Variants in MAN1A1 observed in about 807,000 individuals in gnomAD.
MAN1A1 encodes the protein mannosidase alpha class 1A member 1.
In MAN1A1, 29 loss-of-function variants were observed where a neutral mutation model predicts 70.8. The observed-to-expected ratio is 0.41, with a 90% CI of 0.31 to 0.56. MAN1A1 has a LOEUF of 0.56. MAN1A1 is among the 20% of genes least tolerant of loss of function. The probability of loss-of-function intolerance (pLI) is 0.29; values close to 1 mark genes in which losing one functional copy is unlikely to be tolerated. For missense variants in MAN1A1, 747 were observed against 841.3 expected (o/e 0.89, Z 1.39); for synonymous variants, 349 against 330.1 (o/e 1.06, Z -0.62).
intron 11 of MAN1A1, among the ~76,000 whole-genome samples, chr6:119,181,154 G>C (rs1484110930): frequency 6.6e-6 from 1 of 152,188 alleles, no homozygotes; most frequent in African/African-American, 2.4e-5. Context: ...TACAATGACA[G>C]AGCTAAGTAG....
intron 5 of MAN1A1, among the ~76,000 whole-genome samples, chr6:119,268,632 G>C (rs2114369959): frequency 6.6e-6 from 1 of 152,090 alleles, no homozygotes; most frequent in East Asian, 1.9e-4. Context: ...TGTCACCCAG[G>C]TTGAAGTGTA....
chr6:119,313,477 A>G (rs777580382), intron 2 of MAN1A1, among the ~76,000 whole-genome samples: 14 of 152,156 alleles, frequency 9.2e-5, no homozygotes, highest in African/African-American at 2.9e-4. Flanking sequence ...GCTGAAATAA[A>G]TGTATCCCCT....
intron 6 of MAN1A1, among the ~76,000 whole-genome samples, chr6:119,229,010 CT>C (rs952957868): frequency 1.3e-5 from 2 of 152,012 alleles, no homozygotes; most frequent in African/African-American, 4.8e-5. Context: ...GCAGTGGGTA[CT>C]TTTTAAGATT....
intron 8 of MAN1A1, among the ~76,000 whole-genome samples, chr6:119,199,929 C>CA (rs985782951): frequency 1.4e-5 from 2 of 144,212 alleles, no homozygotes; most frequent in African/African-American, 5.2e-5. Flanking sequence ...CCCTGTCCCA[C>CA]AAAAAAGAAA....
intron 2 of MAN1A1, among the ~76,000 whole-genome samples, chr6:119,345,157 C>A (rs906812457): frequency 7.0e-6 from 1 of 143,582 alleles, no homozygotes; most frequent in Non-Finnish European, 1.5e-5. Flanking sequence ...TCCTAAAGGA[C>A]AGCACAGGCT....
chr6:119,255,922 A>T (rs182090849), intron 5 of MAN1A1, among the ~76,000 whole-genome samples: 3,022 of 151,564 alleles, frequency 0.02, 108 homozygotes, highest in African/African-American at 0.067. Context: ...TTCATTTTTT[A>T]AAAAAAATAT....
upstream of MAN1A1, chr6:119,349,880 A>T (rs922100460): frequency 4.6e-6 from 2 of 439,366 alleles, no homozygotes; most frequent in Non-Finnish European, 6.0e-6. Flanking sequence ...GGCCGAGGCG[A>T]GGAGGGGGAT....
chr6:119,218,568 A>AC (rs1774270325), intron 6 of MAN1A1, among the ~76,000 whole-genome samples: 5 of 151,972 alleles, frequency 3.3e-5, no homozygotes, highest in African/African-American at 1.2e-4. Context: ...ATAAAAAAAA[A>AC]AACACAAAAA....
At chr6:119,275,482 A>AT (rs1286601085) in intron 5 of MAN1A1, among the ~76,000 whole-genome samples, 1 of 146,274 alleles carries the variant, frequency 6.8e-6, no homozygotes, top group Admixed American at 6.7e-5. Context: ...AATTTTTTGT[A>AT]TTTTTAGTAG....
chr6:119,203,558 TG>T lies in MAN1A1; in HGVS notation c.1116+1200del, dbSNP rs544714707. 3.9e-5 allele frequency among the ~76,000 whole-genome samples: 6 copies of T among 152,024 alleles called. No individual in the cohort carries two copies. In the South Asian group the frequency reaches 1.2e-3, roughly 32 times the overall value. ...AGGGGGTGAGGAAGGGGTGGTCAGG[TG>T]GCTACTGTATGGTGTACATACAGTA... On this transcript the variant is annotated intron_variant, in intron 7 of 12. Transcript: ENST00000368468.
rs1479373091 is a variant in MAN1A1 at position 119,189,846 on chromosome 6, C to T, written c.1364G>A (p.Gly455Glu). The change falls in exon 10 of 13, where the codon GGA becomes GAA. Residue 455 changes from glycine (G) to glutamate (E), a missense_variant. By Grantham distance (98) the Gly-to-Glu change is moderately conservative (BLOSUM62 -2). Around this residue, in one of 2 missense-constraint regions of MAN1A1, gnomAD observed 419 missense variants for 548.2 expected, o/e 0.76. Transcript: ENST00000368468. ...ETHLIRKSSS[G>E]LTYIAEWKGG... ...TTTCCACTCTGCGATATAAGTTAGT[C>T]CGCTGCTAGACTTGCGGATCAAATG... The T allele has an allele frequency of 1.2e-6, 2 of 1,614,054 alleles. No individual in the cohort carries two copies. The highest frequency in any genetic ancestry group is 1.7e-6 in the Non-Finnish European group (2 of 1,180,002).
chr6:119,288,903 T>G (rs1007655497), intron 5 of MAN1A1, among the ~76,000 whole-genome samples: 1 of 151,762 alleles, frequency 6.6e-6, no homozygotes, highest in African/African-American at 2.4e-5. Flanking sequence ...TGTGTAGTGA[T>G]AATGGCAAAA....
chr6:119,252,669 G>A (rs1775352615), intron 5 of MAN1A1, among the ~76,000 whole-genome samples: 1 of 152,126 alleles, frequency 6.6e-6, no homozygotes, highest in Admixed American at 6.5e-5. Flanking sequence ...GTACATGGCT[G>A]CAGTCCCAGA....
chr6:119,212,447 A>G (rs2114958649), intron 6 of MAN1A1, among the ~76,000 whole-genome samples: 1 of 152,326 alleles, frequency 6.6e-6, no homozygotes, highest in Admixed American at 6.5e-5. Context: ...TGCCAAACTC[A>G]GCAACTTAAG....
intron 5 of MAN1A1, among the ~76,000 whole-genome samples, chr6:119,281,995 G>A (rs192443890): frequency 1.8e-4 from 28 of 152,252 alleles, no homozygotes; most frequent in Middle Eastern, 3.4e-3. Flanking sequence ...CTGAGAGGAG[G>A]AGTATGCAGT....
intron 3 of MAN1A1, among the ~76,000 whole-genome samples, chr6:119,303,640 GC>G (rs1344715316): frequency 6.6e-6 from 1 of 152,046 alleles, no homozygotes; most frequent in African/African-American, 2.4e-5. Context: ...AGTTCCAGGG[GC>G]TAATCTTGTG....
Position 119,200,109 on chromosome 6 carries a change from G to A in MAN1A1, c.1210+1145C>T, listed in dbSNP as rs1259510929. 2.6e-5 allele frequency among the ~76,000 whole-genome samples: 4 copies of A among 152,080 alleles called. No individual in the cohort carries two copies. The South Asian group carries it at 6.2e-4, about 24-fold the overall frequency. On this transcript the variant is annotated intron_variant, in intron 8 of 12. Coordinates refer to ENST00000368468, the MANE Select transcript of MAN1A1 (RefSeq NM_005907.4). ...TAAAAGCAGAGGCAGAAAGAGAGAT[G>A]AGATACAGAGCACATATGTATTCAC... is the stretch of plus-strand genomic sequence containing the variant.
chr6:119,298,237 T>G (rs981374954), intron 4 of MAN1A1, among the ~76,000 whole-genome samples: 8 of 152,206 alleles, frequency 5.3e-5, no homozygotes, highest in African/African-American at 1.9e-4. Flanking sequence ...ATACTTGAAC[T>G]GAATACAAGC....
At chr6:119,187,664 T>C (rs1773327230) in intron 11 of MAN1A1, among the ~76,000 whole-genome samples, 1 of 152,228 alleles carries the variant, frequency 6.6e-6, no homozygotes, top group Non-Finnish European at 1.5e-5. Context: ...AATGAGAGTG[T>C]AATTAAAGAA....
Sources: allele counts gnomAD v4.1 joint callset (sites outside exome capture counted in the v4.1 genomes callset), GRCh38; gene constraint gnomAD v4.1.1; regional missense constraint gnomAD v4.1.1; transcripts MANE v1.5; gene names NCBI Gene and HGNC (gene_info 2026-07-23, HGNC 2026-07-21).